The following DMD variants were observed in gnomAD, a reference collection of about 807,000 sequenced individuals.
The protein encoded by DMD is dystrophin, also known as mutant dystrophin.
In DMD, 63 loss-of-function variants were observed where a neutral mutation model predicts 330.1. The observed-to-expected ratio is 0.19, with a 90% confidence interval of 0.16 to 0.24. DMD has a LOEUF of 0.24. Among genes scored for constraint, DMD ranks in the 10% least tolerant of loss-of-function variants. The probability of loss-of-function intolerance (pLI) is 1.00; values close to 1 mark genes in which losing one functional copy is unlikely to be tolerated. For missense variants in DMD, 3,344 were observed against 2,684.1 expected, an observed-to-expected ratio of 1.25 and a Z score of -5.43; for synonymous variants, 1,223 against 959.8, an observed-to-expected ratio of 1.27 and a Z score of -5.07.
intron 44 of DMD, among the ~76,000 whole-genome samples, chrX:32,211,371 T>A (rs747363641): frequency 1.8e-5 from 2 of 112,301 alleles, no homozygotes; most frequent in East Asian, 5.6e-4. Context: ...GTATGCTCAA[T>A]GACAATGAAT....
intron 60 of DMD, among the ~76,000 whole-genome samples, chrX:31,409,303 C>T (rs180866560): frequency 8.9e-5 from 10 of 112,314 alleles, no homozygotes; most frequent in Admixed American, 2.8e-4. Flanking sequence ...TAGAGCTGCT[C>T]ACATGGTATA....
intron 54 of DMD, among the ~76,000 whole-genome samples, chrX:31,643,254 A>G (rs1239415563): frequency 8.9e-6 from 1 of 112,062 alleles, no homozygotes; most frequent in Non-Finnish European, 1.9e-5. Context: ...CGATTATATT[A>G]GCAGGTTCCA....
rs895903031 is a variant in DMD at position 32,066,085 on chromosome X, T to C, written c.6439-97571A>G. 3.0e-4 allele frequency among the ~76,000 whole-genome samples: 34 copies of C among 111,592 alleles called. 1 individual carries two copies. The highest frequency in any genetic ancestry group is 1.1e-3 in the African/African-American group (34 of 30,897). On this transcript the variant is annotated intron_variant, in intron 44 of 78. Transcript: ENST00000357033. ...CATGTCCCTCTTCACAGGTGTACTT[T>C]GAATCAGATTGATTAACTTATCAGT...
chrX:31,848,978 C>G (rs193004066), intron 48 of DMD, among the ~76,000 whole-genome samples: 9 of 110,441 alleles, frequency 8.1e-5, no homozygotes, highest in Admixed American at 6.8e-4. Flanking sequence ...CAACATATTT[C>G]TAATTCTACA....
At chrX:32,704,258 A>G (rs999889639) in intron 7 of DMD, among the ~76,000 whole-genome samples, 4 of 92,259 alleles carry the variant, frequency 4.3e-5, no homozygotes, top group Admixed American at 1.1e-4. Flanking sequence ...TCATTCTCTC[A>G]GATACTATCT....
chrX:31,494,548 G>A (rs917591100), intron 57 of DMD, among the ~76,000 whole-genome samples: 2 of 111,310 alleles, frequency 1.8e-5, no homozygotes, highest in Non-Finnish European at 3.8e-5. Context: ...AAGTGGGGAC[G>A]GATTAACTTC....
intron 37 of DMD, among the ~76,000 whole-genome samples, chrX:32,354,535 G>A (rs946005362): frequency 6.5e-4 from 72 of 110,910 alleles, no homozygotes; most frequent in African/African-American, 2.3e-3. Flanking sequence ...CTAGAAGAAA[G>A]ATTATTTAAA....
At chrX:32,656,764 T>C (rs12393422) in intron 9 of DMD, among the ~76,000 whole-genome samples, 10,082 of 111,588 alleles carry the variant, frequency 0.09, 1,099 homozygotes, top group African/African-American at 0.31. Context: ...AACAGCACAG[T>C]ACACAGATAA....
chrX:32,856,832 T>C (rs928272277), intron 2 of DMD, among the ~76,000 whole-genome samples: 5 of 111,655 alleles, frequency 4.5e-5, no homozygotes, highest in Admixed American at 1.9e-4. Flanking sequence ...TCCCAACACT[T>C]TGGGAGGCCG....
chrX:31,362,109 T>C (rs764802238), intron 60 of DMD, among the ~76,000 whole-genome samples: 130 of 112,351 alleles, frequency 1.2e-3, no homozygotes, highest in African/African-American at 4.0e-3. Context: ...TTTTTATGGT[T>C]AGGTGAATAT....
At chrX:31,209,388 A>G in intron 65 of DMD, 110 bp downstream of exon 65, 1 of 757,391 alleles carries the variant, frequency 1.3e-6, no homozygotes, top group Non-Finnish European at 2.1e-6. Context: ...CAGGAAGAGC[A>G]TTAGGTCCAC....
In DMD at chrX:32,849,629, C is replaced by T. The variant is rs771532081; in HGVS notation, c.186+99G>A. 1.3e-5 allele frequency: 8 copies of T among 630,253 alleles called. No individual in the cohort carries two copies. In the South Asian group the frequency reaches 1.9e-4, roughly 15 times the overall value. 51.9% of individuals were successfully genotyped at this position (630,253 alleles called of 1,213,427 possible). ...ATAGGTATTGCTGTTTCAATCAGTA[C>T]CTAGTCATTCTACTAGATGTCATAA... On this transcript the variant is annotated intron_variant, in intron 3 of 78. Transcript: ENST00000357033.
At position 32,016,033 on chromosome X, in the gene DMD, G is replaced by A. The variant is rs929994299; in HGVS notation, c.6439-47519C>T. Among the ~76,000 whole-genome samples the A allele has an allele frequency of 5.4e-5, 6 of 111,550 alleles. 1 individual carries two copies. Among genetic ancestry groups the A allele is most frequent in the South Asian group, 7.6e-4 (2 of 2,626 alleles). Reference sequence around the variant, plus strand: ...AGGTGCTGGTGCTGTTAGTAATGTCGACATAAGGAGGCAATGGTTTCTCTG... The same window carrying A: ...AGGTGCTGGTGCTGTTAGTAATGTCAACATAAGGAGGCAATGGTTTCTCTG... On this transcript the variant is annotated intron_variant, in intron 44 of 78. Transcript: ENST00000357033.
rs1293088100 is a variant in DMD at position 32,780,934 on chromosome X, AAAAAAAAAAT to A, written c.649+28549_649+28558del. Among the ~76,000 whole-genome samples, 162 of 90,599 alleles carry A rather than the reference AAAAAAAAAAT, an allele frequency of 1.8e-3. 2 individuals carry two copies. Among genetic ancestry groups the A allele is most frequent in the African/African-American group, 9.3e-3 (144 of 15,546 alleles). The allele number at this position is 90,599 out of a possible 115,157, so 78.7% of individuals were successfully genotyped here. On this transcript the variant is annotated intron_variant, in intron 7 of 78. Coordinates refer to ENST00000357033, the MANE Select transcript of DMD (RefSeq NM_004006.3). ...GTGAAACCCCGTCTCTACTAAAAAT[AAAAAAAAAAT>A]AAAAAAAAATAAAAAATAAAAAAAT...
intron 51 of DMD, among the ~76,000 whole-genome samples, chrX:31,739,659 T>C (rs1027969103): frequency 1.2e-4 from 13 of 109,515 alleles, no homozygotes; most frequent in East Asian, 2.9e-4. Context: ...ACCTAATGCA[T>C]TGGGGGCTTA....
chrX:33,263,438 A>ATATAT (rs1557310303), intron 1 of DMD, among the ~76,000 whole-genome samples: 1 of 103,959 alleles, frequency 9.6e-6, no homozygotes, highest in African/African-American at 3.5e-5. Flanking sequence ...CTTTTTAAAA[A>ATATAT]ATATATATAT....
chrX:32,710,843 C>T (rs5972652), intron 7 of DMD, among the ~76,000 whole-genome samples: 34 of 110,709 alleles, frequency 3.1e-4, no homozygotes, highest in Admixed American at 7.7e-4. Flanking sequence ...AACTATGAGT[C>T]AGCGGTGGGT....
chrX:32,688,504 C>A (rs1255904794), intron 9 of DMD, among the ~76,000 whole-genome samples: 2 of 111,123 alleles, frequency 1.8e-5, no homozygotes, highest in African/African-American at 6.5e-5. Flanking sequence ...ATTTCTTTAC[C>A]CTTAACTACT....
intron 74 of DMD, among the ~76,000 whole-genome samples, chrX:31,158,354 T>G (rs2038401965): frequency 8.9e-6 from 1 of 111,990 alleles, no homozygotes; most frequent in South Asian, 3.7e-4. Context: ...ACAAAAGACT[T>G]TATATTGTAT....
Sources: gnomAD v4.1 joint callset for allele counts (sites outside exome capture counted in the v4.1 genomes callset) on GRCh38, gnomAD v4.1.1 for gene constraint, MANE v1.5 for transcripts, NCBI Gene and HGNC (gene_info 2026-07-23, HGNC 2026-07-21) for gene names.